The following EOGT variants were observed in gnomAD, a reference collection of about 807,000 sequenced individuals.
EOGT encodes the protein EGF domain-specific O-linked N-acetylglucosamine transferase.
In EOGT, 55 loss-of-function variants were observed where a neutral mutation model predicts 70.5. The observed-to-expected ratio is 0.78, with a 90% confidence interval of 0.63 to 0.98. The LOEUF is 0.98. Among genes scored for constraint, EOGT ranks in the 50% least tolerant of loss-of-function variants. The pLI is 0.00. For missense variants in EOGT, 703 were observed against 641.9 expected (o/e 1.10, Z -1.03); for synonymous variants, 246 against 217.1 (o/e 1.13, Z -1.17).
At chr3:68,981,550 C>T (rs902994960) in intron 15 of EOGT, among the ~76,000 whole-genome samples, 6 of 152,178 alleles carry the variant, frequency 3.9e-5, no homozygotes, top group African/African-American at 1.2e-4. Flanking sequence ...CTTTTCTATA[C>T]TGCTTGACTT....
In EOGT at chr3:69,001,724, T is replaced by C. The variant is rs2091298179; in HGVS notation, c.621-10A>G. 17 of 1,573,978 alleles carry C rather than the reference T, an allele frequency of 1.1e-5. No individual in the cohort carries two copies. Among genetic ancestry groups the C allele is most frequent in the Non-Finnish European group, 1.5e-5 (17 of 1,145,810 alleles). On this transcript the variant is annotated splice_polypyrimidine_tract_variant and intron_variant, in intron 8 of 17. Coordinates refer to ENST00000383701, the MANE Select transcript of EOGT (RefSeq NM_001278689.2). The stretch of plus-strand genomic sequence containing the variant: ...TTGTAGCTCAGCAAACCTGAAATTA[T>C]GAATTGGGACATGACTTCAAACTGA...
intron 9 of EOGT, among the ~76,000 whole-genome samples, chr3:69,000,346 T>C (rs1000375557): frequency 6.6e-6 from 1 of 152,382 alleles, no homozygotes; most frequent in Non-Finnish European, 1.5e-5. Flanking sequence ...ATATACTTTA[T>C]TGTATAAGTA....
At chr3:69,004,252 C>T (rs1009668230) in intron 8 of EOGT, 126 bp downstream of exon 8, 1 of 696,338 alleles carries the variant, frequency 1.4e-6, no homozygotes, top group Non-Finnish European at 2.4e-6. Flanking sequence ...CGTCACTTCC[C>T]AGAAGCTCAT....
intron 10 of EOGT, among the ~76,000 whole-genome samples, chr3:68,989,748 CAAAAAAAA>C (rs56000169): frequency 1.1e-4 from 10 of 93,230 alleles, no homozygotes; most frequent in East Asian, 1.1e-3. Context: ...AACTCCATCT[CAAAAAAAA>C]AAAAAAAAAA....
intron 14 of EOGT, among the ~76,000 whole-genome samples, chr3:68,983,244 C>T (rs2090701735): frequency 1.3e-5 from 2 of 152,210 alleles, no homozygotes; most frequent in African/African-American, 2.4e-5. Flanking sequence ...TTTCAACACA[C>T]ATTTTTGGGC....
intron 10 of EOGT, among the ~76,000 whole-genome samples, chr3:68,995,319 A>C (rs115472293): frequency 0.01 from 1,538 of 152,336 alleles, 27 homozygotes; most frequent in African/African-American, 0.035. Flanking sequence ...ATTCTGGAGC[A>C]ATCTGGCAGA....
At chr3:69,013,085 C>G (rs1321502661) in intron 1 of EOGT, among the ~76,000 whole-genome samples, 3 of 152,200 alleles carry the variant, frequency 2.0e-5, no homozygotes, top group Middle Eastern at 3.4e-3. Flanking sequence ...CAGCTGTCCG[C>G]TTGAACGTCA....
intron 10 of EOGT, 29 bp from the exon 11 acceptor site, chr3:68,989,046 G>A: frequency 7.5e-7 from 1 of 1,334,728 alleles, no homozygotes; most frequent in South Asian, 1.3e-5. Context: ...CAAGGTTTTA[G>A]GGCAATAAAA....
At chr3:68,997,758 G>C (rs911982707) in intron 10 of EOGT, among the ~76,000 whole-genome samples, 2 of 152,104 alleles carry the variant, frequency 1.3e-5, no homozygotes, top group Non-Finnish European at 2.9e-5. Context: ...CACCCAGAAA[G>C]AGAAAGAAAC....
At chr3:69,007,314 A>G (rs902678381) in intron 6 of EOGT, among the ~76,000 whole-genome samples, 1 of 152,162 alleles carries the variant, frequency 6.6e-6, no homozygotes, top group African/African-American at 2.4e-5. Context: ...TTTTTACATT[A>G]CAAGCTAAAT....
chr3:68,987,573 T>C, intron 13 of EOGT, 60 bp from the exon 14 acceptor site: 3 of 1,233,500 alleles, frequency 2.4e-6, no homozygotes, highest in Middle Eastern at 1.9e-4. Context: ...TGAATGAACA[T>C]CTGAACCCAA....
chr3:69,007,963 C>T (rs944454964), intron 5 of EOGT, 142 bp from the exon 6 acceptor site: 58 of 562,314 alleles, frequency 1.0e-4, no homozygotes, highest in African/African-American at 6.3e-4. Context: ...TCCAAAACTA[C>T]GCCTCACTAC....
chr3:69,008,027 A>G (rs375841349), intron 5 of EOGT, among the ~76,000 whole-genome samples: 1 of 152,224 alleles, frequency 6.6e-6, no homozygotes, highest in African/African-American at 2.4e-5. Flanking sequence ...CATAAAATAC[A>G]TAACAGACAT....
Position 68,988,920 on chromosome 3 carries a change from A to T in EOGT, c.924+5T>A. On this transcript the variant is annotated splice_donor_5th_base_variant and intron_variant, in intron 11 of 17. Coordinates refer to ENST00000383701, the MANE Select transcript of EOGT (RefSeq NM_001278689.2). The stretch of plus-strand genomic sequence containing the variant: ...TCACAGACATTTCAGGAAAATTTCC[A>T]GTACCCTTTTGGAATCATAAGTTTT... 6.8e-7 allele frequency: 1 copy of T among 1,480,654 alleles called. No homozygotes were observed. Among genetic ancestry groups the T allele is most frequent in the Non-Finnish European group, 9.1e-7 (1 of 1,103,826 alleles). 91.7% of individuals were successfully genotyped at this position (1,480,654 alleles called of 1,614,324 possible).
At chr3:69,001,549 A>G in intron 9 of EOGT, 59 bp downstream of exon 9, 1 of 1,170,958 alleles carries the variant, frequency 8.5e-7, no homozygotes. Context: ...ACTACATCCA[A>G]AAAAAGGAAT....
At chr3:69,011,079 C>T (rs2091561747) in intron 3 of EOGT, among the ~76,000 whole-genome samples, 2 of 152,042 alleles carry the variant, frequency 1.3e-5, no homozygotes, top group Admixed American at 6.6e-5. Context: ...GGTCAGAAAC[C>T]TCACTGCATT....
In EOGT at chr3:68,988,540, C is replaced by CG. The variant is rs1559594276; in HGVS notation, c.961dup (p.Arg321ProfsTer9). ...ATTATAGAACAGCCCATACCTCATG[C>CG]GGGGGAGTAATGAAAAAACAGCTTC... On this transcript the variant is annotated frameshift_variant, in exon 12 of 18. Coordinates refer to ENST00000383701, the MANE Select transcript of EOGT (RefSeq NM_001278689.2). LOFTEE classifies it high-confidence loss of function. The CG allele has an allele frequency of 6.5e-7, 1 of 1,532,510 alleles. No individual in the cohort carries two copies. Among genetic ancestry groups the CG allele is most frequent in the Admixed American group, 2.0e-5 (1 of 50,520 alleles). The allele number at this position is 1,532,510 out of a possible 1,614,324, so 94.9% of individuals were successfully genotyped here.
intron 3 of EOGT, 117 bp from the exon 4 acceptor site, chr3:69,009,977 C>T: frequency 2.7e-6 from 2 of 729,706 alleles, no homozygotes; most frequent in Non-Finnish European, 4.4e-6. Flanking sequence ...AGTATAATTA[C>T]AAAGCACTTT....
At chr3:69,009,933 C>CAAAAAAAA in intron 3 of EOGT, 73 bp from the exon 4 acceptor site, 55 of 255,074 alleles carry the variant, frequency 2.2e-4, no homozygotes, top group South Asian at 4.7e-4. Flanking sequence ...ACAACAACAA[C>CAAAAAAAA]AAAAAAAAAA....
Sources: gnomAD v4.1 joint callset for allele counts (sites outside exome capture counted in the v4.1 genomes callset) on GRCh38, gnomAD v4.1.1 for gene constraint, MANE v1.5 for transcripts, NCBI Gene and HGNC (gene_info 2026-07-23, HGNC 2026-07-21) for gene names.